The following CYP2C8 variants were observed in gnomAD, a reference collection of about 807,000 sequenced individuals.
CYP2C8 encodes the protein cytochrome P450 family 2 subfamily C member 8.
CYP2C8 carries 51 observed loss-of-function variants against 41.3 expected under a neutral mutation model. The ratio of observed to expected loss-of-function variants is 1.24; its 90% CI spans 0.99 to 1.56. The LOEUF (loss-of-function observed/expected upper bound fraction) is 1.56. CYP2C8 is among the 40% of genes most tolerant of loss of function. The probability of loss-of-function intolerance (pLI) is 0.00; values close to 1 mark genes in which losing one functional copy is unlikely to be tolerated. For missense variants in CYP2C8, 651 were observed against 579.9 expected, an observed-to-expected ratio of 1.12 and a Z score of -1.26; for synonymous variants, 218 against 205.8, an observed-to-expected ratio of 1.06 and a Z score of -0.51.
At chr10:95,065,437 G>A (rs982572984) in intron 3 of CYP2C8, among the ~76,000 whole-genome samples, 2 of 152,156 alleles carry the variant, frequency 1.3e-5, no homozygotes, top group Non-Finnish European at 2.9e-5. Context: ...GAATTCATGT[G>A]TTTTAGGGAA....
intron 4 of CYP2C8, among the ~76,000 whole-genome samples, chr10:95,063,007 C>T (rs543266502): frequency 1.3e-4 from 20 of 152,294 alleles, no homozygotes; most frequent in Admixed American, 5.2e-4. Flanking sequence ...CCGAGAGATC[C>T]GCTGTTAGTC....
chr10:95,042,682 G>T (rs1017261017), intron 7 of CYP2C8, among the ~76,000 whole-genome samples: 2 of 152,164 alleles, frequency 1.3e-5, no homozygotes, highest in African/African-American at 4.8e-5. Flanking sequence ...ACAATTATTT[G>T]AAAGTGTAAC....
At chr10:95,043,351 A>G (rs925145160) in intron 6 of CYP2C8, among the ~76,000 whole-genome samples, 1 of 152,240 alleles carries the variant, frequency 6.6e-6, no homozygotes, top group African/African-American at 2.4e-5. Flanking sequence ...TAAAAAATAA[A>G]CAGAACATAA....
At chr10:95,063,035 T>A (rs1208533534) in intron 4 of CYP2C8, among the ~76,000 whole-genome samples, 1 of 152,344 alleles carries the variant, frequency 6.6e-6, no homozygotes, top group African/African-American at 2.4e-5. Context: ...CTTCCCTTTG[T>A]GGGTAACCCG....
intron 4 of CYP2C8, among the ~76,000 whole-genome samples, chr10:95,059,988 G>A (rs566437223): frequency 3.0e-3 from 450 of 152,198 alleles, no homozygotes; most frequent in Non-Finnish European, 4.8e-3. Context: ...GCTCTGTTTT[G>A]TTCCATTGGT....
intron 7 of CYP2C8, among the ~76,000 whole-genome samples, chr10:95,041,574 G>A (rs1458295875): frequency 6.6e-6 from 1 of 151,786 alleles, no homozygotes; most frequent in Non-Finnish European, 1.5e-5. Context: ...GAGGTCAGGA[G>A]ATCGAGACCA....
At chr10:95,061,132 T>C (rs528934124) in intron 4 of CYP2C8, among the ~76,000 whole-genome samples, 7 of 152,274 alleles carry the variant, frequency 4.6e-5, no homozygotes, top group African/African-American at 1.7e-4. Context: ...CCAGGCTTTG[T>C]TATCAGGATG....
chr10:95,037,785 C>A (rs2032916157), intron 8 of CYP2C8, among the ~76,000 whole-genome samples: 1 of 152,184 alleles, frequency 6.6e-6, no homozygotes, highest in Non-Finnish European at 1.5e-5. Flanking sequence ...CTTGAACACA[C>A]CATGAAGTTT....
chr10:95,045,520 C>A (rs957157038), intron 6 of CYP2C8, among the ~76,000 whole-genome samples: 1 of 152,192 alleles, frequency 6.6e-6, no homozygotes, highest in African/African-American at 2.4e-5. Context: ...AATACTAGGG[C>A]AATTTATGCT....
intron 4 of CYP2C8, among the ~76,000 whole-genome samples, chr10:95,062,963 G>A (rs2033471406): frequency 6.6e-6 from 1 of 152,094 alleles, no homozygotes; most frequent in African/African-American, 2.4e-5. Flanking sequence ...GTTGAATATT[G>A]GCCACCACTC....
rs1364415240 is a variant in CYP2C8, at chr10:95,037,152, G to T, written c.1449C>A (p.Tyr483Ter). The T allele has an allele frequency of 6.2e-7, 1 of 1,613,976 alleles. No individual in the cohort carries two copies. ...TTCAGACAGGGATGAAGCAGATCTG[G>T]TATGAGGGTGGCAGAGAAACAATCC... ...TKGIVSLPPS[Y>*]QICFIPV The change falls in exon 9 of 9, where the codon TAC (tyrosine) becomes TAA (stop). Residue 483 changes from tyrosine to a stop codon, truncating the protein, a stop_gained. Coordinates refer to ENST00000371270, the MANE Select transcript of CYP2C8 (RefSeq NM_000770.3). LOFTEE classifies it high-confidence loss of function.
intron 1 of CYP2C8, chr10:95,068,712 T>G (rs1410922674): frequency 1.2e-6 from 1 of 849,922 alleles, no homozygotes; most frequent in Non-Finnish European, 1.7e-6. Context: ...CCAATGTTTC[T>G]GTATTCACAA....
chr10:95,060,370 G>A (rs2033402193), intron 4 of CYP2C8, among the ~76,000 whole-genome samples: 2 of 152,124 alleles, frequency 1.3e-5, no homozygotes, highest in African/African-American at 2.4e-5. Context: ...TCCCTTGTAA[G>A]TTGGATTCCT....
Position 95,048,806 on chromosome 10 carries a change from A to G in CYP2C8, c.820-2855T>C, listed in dbSNP as rs536404387. On this transcript the variant is annotated intron_variant, in intron 5 of 8. Transcript: ENST00000371270. ...TGAAATATGATTCTTATATCTCACCACATACAAAAATTAACTCAAGATGGA... is the reference window on the plus strand; with the variant it reads ...TGAAATATGATTCTTATATCTCACCGCATACAAAAATTAACTCAAGATGGA... 1.7e-4 allele frequency among the ~76,000 whole-genome samples: 26 copies of G among 152,318 alleles called. 2 individuals carry two copies. Among genetic ancestry groups the G allele is most frequent in the African/African-American group, 5.5e-4 (23 of 41,576 alleles).
chr10:95,068,403 T>C (rs1934956), intron 1 of CYP2C8, among the ~76,000 whole-genome samples: 124,765 of 152,140 alleles, frequency 0.82, 51,591 homozygotes, highest in Non-Finnish European at 0.86. Context: ...TTCTGTTAAC[T>C]ACCTATTGGG....
rs1265899439 is a variant in CYP2C8 at position 95,055,047 on chromosome 10, A to G, written c.819+3288T>C. Among the ~76,000 whole-genome samples the G allele has an allele frequency of 2.6e-5, 4 of 152,154 alleles. No homozygotes were observed. In the South Asian group the frequency reaches 8.3e-4, roughly 32 times the overall value. On this transcript the variant is annotated intron_variant, in intron 5 of 8. Coordinates refer to ENST00000371270, the MANE Select transcript of CYP2C8 (RefSeq NM_000770.3). ...AAGACTTAAAATTGTTAAGATGGCA[A>G]TGCTTCCAAAAGTAATCTAAAGATT...
chr10:95,058,364 T>A lies in CYP2C8; in HGVS notation c.790A>T (p.Ile264Phe). 1 of 1,613,436 alleles carries A rather than the reference T, an allele frequency of 6.2e-7. No homozygotes were observed. The highest frequency in any genetic ancestry group is 8.5e-7 in the Non-Finnish European group (1 of 1,179,596). ...TCCATTTTGATCAGGAAGCAATCGA[T>A]AAAGTCCCGAGGATTGTTAACATCC... ...SLDVNNPRDF[I>F]DCFLIKMEQE... Residue 264 changes from isoleucine (I) to phenylalanine (F), a missense_variant, in exon 5 of 9, where the codon ATC becomes TTC. Physicochemically the swap from Ile to Phe is conservative, Grantham distance 21. Transcript: ENST00000371270.
rs777111843 is a variant in CYP2C8, at chr10:95,037,022, G to A, written c.*106C>T. 8 of 1,064,254 alleles carry A rather than the reference G, an allele frequency of 7.5e-6. No individual in the cohort carries two copies. Among genetic ancestry groups the A allele is most frequent in the Non-Finnish European group, 1.0e-5 (7 of 693,130 alleles). 65.9% of individuals were successfully genotyped at this position (1,064,254 alleles called of 1,614,324 possible). A position where few individuals can be genotyped will look rare whatever the true frequency, so the allele number is the denominator to read the frequency against. Reference sequence around the variant, plus strand: ...GATGCTTATGGGATATTGAGTGAATGGGAAGATTTGATGAGAGGTCAGAGA... The same window carrying A: ...GATGCTTATGGGATATTGAGTGAATAGGAAGATTTGATGAGAGGTCAGAGA... On this transcript the variant is annotated 3_prime_UTR_variant, in exon 9 of 9. Coordinates refer to ENST00000371270, the MANE Select transcript of CYP2C8 (RefSeq NM_000770.3).
chr10:95,043,100 T>C, intron 6 of CYP2C8, 23 bp from the exon 7 acceptor site: 1 of 1,611,196 alleles, frequency 6.2e-7, no homozygotes, highest in South Asian at 1.1e-5. Context: ...AAGAAAGAAC[T>C]GATGGAAACG....
Sources: allele counts gnomAD v4.1 joint callset (sites outside exome capture counted in the v4.1 genomes callset), GRCh38; gene constraint gnomAD v4.1.1; transcripts MANE v1.5; gene names NCBI Gene and HGNC (gene_info 2026-07-23, HGNC 2026-07-21).